The following KIT variants were observed in gnomAD, a reference collection of about 807,000 sequenced individuals.
KIT encodes KIT proto-oncogene, receptor tyrosine kinase, also known as mast/stem cell growth factor receptor Kit.
In KIT, 16 loss-of-function variants were observed where a neutral mutation model predicts 105.7. That is an observed-to-expected ratio of 0.15 (90% CI 0.10 to 0.23). The LOEUF is 0.23. KIT is among the 10% of genes least tolerant of loss of function. KIT has a pLI of 1.00. For synonymous variants in KIT, 438 were observed against 441.1 expected (o/e 0.99, Z 0.09); for missense variants, 858 against 1,213.8 (o/e 0.71, Z 4.36).
At chr4:54,683,280 G>C (rs1043549400) in intron 1 of KIT, among the ~76,000 whole-genome samples, 44 of 152,186 alleles carry the variant, frequency 2.9e-4, no homozygotes, top group Admixed American at 1.1e-3. Context: ...ATCCAGAACT[G>C]CTATGTCTCT....
rs1269421446 is a variant in KIT, at chr4:54,738,579, C to A, written c.*22C>A. 3.1e-6 allele frequency: 5 copies of A among 1,613,130 alleles called. No individual in the cohort carries two copies. The highest frequency in any genetic ancestry group is 1.7e-4 in the Middle Eastern group (1 of 6,026). ...CTGAGCAGAATCAGTGTTTGGGTCA[C>A]CCCTCCAGGAATGATCTCTTCTTTT... On this transcript the variant is annotated 3_prime_UTR_variant, in exon 21 of 21. Coordinates refer to ENST00000288135, the MANE Select transcript of KIT (RefSeq NM_000222.3).
rs577810579 is a variant in KIT, at chr4:54,711,179, C to T, written c.1231+1640C>T. On this transcript the variant is annotated intron_variant, in intron 7 of 20. Coordinates refer to ENST00000288135, the MANE Select transcript of KIT (RefSeq NM_000222.3). ...TACAGGAGTGAGCCACAACACTCAA[C>T]CTGTGTGAAGTGATTTTACATAATT... 3.9e-5 allele frequency among the ~76,000 whole-genome samples: 6 copies of T among 152,274 alleles called. No individual in the cohort carries two copies. In the East Asian group the frequency reaches 1.2e-3, roughly 29 times the overall value.
chr4:54,685,326 C>T (rs1161167133), intron 1 of KIT, among the ~76,000 whole-genome samples: 2 of 152,168 alleles, frequency 1.3e-5, no homozygotes, highest in East Asian at 3.9e-4. Flanking sequence ...GGCCAAATGC[C>T]TCAAAATCTG....
rs764592751 is a variant in KIT at position 54,737,280 on chromosome 4, T to C, written c.2802T>C (p.His934=). Residue 934 remains histidine (H), a splice_region_variant and synonymous_variant, in exon 20 of 21, where the codon CAT becomes CAC. Transcript: ENST00000288135. ...AGCAGATTTCAGAGAGCACCAATCATGTGAGTATACCCTGGCCAGGCATAG... is the reference window on the plus strand; with the variant it reads ...AGCAGATTTCAGAGAGCACCAATCACGTGAGTATACCCTGGCCAGGCATAG... ...IEKQISESTN[H]IYSNLANCSP... 9 of 1,592,258 alleles carry C rather than the reference T, an allele frequency of 5.7e-6. No individual in the cohort carries two copies. Among genetic ancestry groups the C allele is most frequent in the South Asian group, 2.2e-5 (2 of 90,640 alleles).
At position 54,739,542 on chromosome 4, in the gene KIT, C is replaced by A. The variant is rs1006841055; in HGVS notation, c.*985C>A. ...ACAAAGTTACTGATTCACTGCATGG[C>A]TCCCACAGGAGTGGGAAAACACTGC... On this transcript the variant is annotated 3_prime_UTR_variant, in exon 21 of 21. Coordinates refer to ENST00000288135, the MANE Select transcript of KIT (RefSeq NM_000222.3). 3.0e-5 allele frequency: 7 copies of A among 233,456 alleles called. No individual in the cohort carries two copies. Among genetic ancestry groups the A allele is most frequent in the Admixed American group, 5.6e-5 (1 of 17,770 alleles). The allele number at this position is 233,456 out of a possible 1,614,324, so 14.5% of individuals were successfully genotyped here.
chr4:54,711,206 T>C (rs537077750), intron 7 of KIT, among the ~76,000 whole-genome samples: 1 of 152,290 alleles, frequency 6.6e-6, no homozygotes, highest in African/African-American at 2.4e-5. Context: ...TACATAATTG[T>C]CTTATTTGAT....
At chr4:54,731,824 G>A (rs749070494) in intron 15 of KIT, 47 bp from the exon 16 acceptor site, 55 of 1,606,216 alleles carry the variant, frequency 3.4e-5, no homozygotes, top group Non-Finnish European at 4.6e-5. Context: ...TTCCTTTCCT[G>A]ACCTTTATGG....
intron 1 of KIT, among the ~76,000 whole-genome samples, chr4:54,678,418 C>T (rs1038660866): frequency 7.9e-6 from 1 of 126,368 alleles, no homozygotes; most frequent in Non-Finnish European, 1.7e-5. Flanking sequence ...CTTCACGTTG[C>T]CTTACCCCCT....
At chr4:54,678,344 CCT>C (rs1718652905) in intron 1 of KIT, among the ~76,000 whole-genome samples, 28 of 101,218 alleles carry the variant, frequency 2.8e-4, no homozygotes, top group East Asian at 2.2e-3. Flanking sequence ...TTCCTTCCTT[CCT>C]TCCTTCCCTC....
rs144185800 is a variant in KIT, at chr4:54,723,669, T to C, written c.1317T>C (p.Asp439=). The C allele has an allele frequency of 1.2e-6, 2 of 1,613,298 alleles. No individual in the cohort carries two copies. Among genetic ancestry groups the C allele is most frequent in the African/African-American group, 2.7e-5 (2 of 74,910 alleles). ...CAGGATTCCCAGAGCCCACAATAGA[T>C]TGGTATTTTTGTCCAGGAACTGAGC... ...VAAGFPEPTI[D]WYFCPGTEQR... Residue 439 remains aspartate, a synonymous_variant, in exon 8 of 21, where the codon GAT becomes GAC. Transcript: ENST00000288135.
At chr4:54,704,009 CTGAA>C (rs1720626356) in intron 5 of KIT, 117 bp downstream of exon 5, 2 of 929,080 alleles carry the variant, frequency 2.2e-6, no homozygotes, top group South Asian at 2.7e-5. Flanking sequence ...TTTGTTATCA[CTGAA>C]TGAATGAAAA....
chr4:54,699,208 A>G (rs1720289726), intron 3 of KIT, among the ~76,000 whole-genome samples: 1 of 152,188 alleles, frequency 6.6e-6, no homozygotes, highest in Non-Finnish European at 1.5e-5. Flanking sequence ...TTGATTATTT[A>G]AAACCTGGGA....
intron 4 of KIT, 56 bp downstream of exon 4, chr4:54,699,822 T>C: frequency 6.2e-7 from 1 of 1,603,002 alleles, no homozygotes; most frequent in East Asian, 2.2e-5. Context: ...ATGATAAGTT[T>C]TCTCTTTCAG....
chr4:54,702,302 A>G (rs1720502522), intron 4 of KIT, among the ~76,000 whole-genome samples: 1 of 152,170 alleles, frequency 6.6e-6, no homozygotes. Flanking sequence ...GATTTTAATA[A>G]TATATTTTAT....
At chr4:54,731,228 C>T (rs773676569) in intron 14 of KIT, 100 bp from the exon 15 acceptor site, 10 of 823,328 alleles carry the variant, frequency 1.2e-5, no homozygotes, top group Non-Finnish European at 1.7e-5. Flanking sequence ...TTGGTCCAGT[C>T]TATTATGTAG....
At chr4:54,658,300 C>G (rs1479549907) in intron 1 of KIT, among the ~76,000 whole-genome samples, 1 of 152,012 alleles carries the variant, frequency 6.6e-6, no homozygotes, top group Non-Finnish European at 1.5e-5. Flanking sequence ...GTGGGGGACG[C>G]GAATCCGGGG....
Position 54,698,683 on chromosome 4 carries a change from C to T in KIT, c.619+118C>T, listed in dbSNP as rs114909239. The stretch of plus-strand genomic sequence containing the variant: ...TCAGGGAGCTAGCTGTTCATAGTTC[C>T]CCCAGCTTCAAAAAATGTCATCTGC... On this transcript the variant is annotated intron_variant, in intron 3 of 20. Transcript: ENST00000288135. The T allele has an allele frequency of 1.4e-3, 1,605 of 1,140,632 alleles. 18 individuals carry two copies. The African/African-American group carries it at 0.022, about 16-fold the overall frequency. The allele number at this position is 1,140,632 out of a possible 1,614,324, so 70.7% of individuals were successfully genotyped here.
At chr4:54,659,156 G>C (rs937292042) in intron 1 of KIT, among the ~76,000 whole-genome samples, 2 of 152,250 alleles carry the variant, frequency 1.3e-5, no homozygotes, top group African/African-American at 4.8e-5. Context: ...AGGGCTGCCT[G>C]GGGGTGGGGT....
In KIT at chr4:54,695,592, G is replaced by T. The variant is rs200950545; in HGVS notation, c.148G>T (p.Val50Leu). 5.4e-5 allele frequency: 87 copies of T among 1,614,054 alleles called. No individual in the cohort carries two copies. Among genetic ancestry groups the T allele is most frequent in the Non-Finnish European group, 6.7e-5 (79 of 1,180,042 alleles). The change falls in exon 2 of 21, where the codon GTG (valine) becomes TTG (leucine). Residue 50 changes from valine to leucine, a missense_variant. Transcript: ENST00000288135. ...HPGKSDLIVR[V>L]GDEIRLLCTD... ...AGGAAAATCAGACTTAATAGTCCGC[G>T]TGGGCGACGAGATTAGGCTGTTATG...
Sources: allele counts gnomAD v4.1 joint callset (sites outside exome capture counted in the v4.1 genomes callset), GRCh38; gene constraint gnomAD v4.1.1; transcripts MANE v1.5; gene names NCBI Gene and HGNC (gene_info 2026-07-23, HGNC 2026-07-21).